Variants in EML1 observed in about 807,000 individuals in gnomAD.
EML1 encodes EMAP like 1, also known as echinoderm microtubule-associated protein-like 1.
A neutral mutation model predicts 110.4 loss-of-function variants in EML1; 27 were observed. That is an observed-to-expected ratio of 0.24 (90% confidence interval 0.18 to 0.34). The LOEUF (loss-of-function observed/expected upper bound fraction) is 0.34, where lower values mean the gene tolerates loss of function less well. EML1 is among the 10% of genes least tolerant of loss of function. The pLI is 1.00. For synonymous variants in EML1, 344 were observed against 385.8 expected, an observed-to-expected ratio of 0.89 and a Z score of 1.27; for missense variants, 741 against 1,030.9, an observed-to-expected ratio of 0.72 and a Z score of 3.85.
At chr14:99,828,167 A>G (rs182729259) in intron 1 of EML1, among the ~76,000 whole-genome samples, 92 of 152,360 alleles carry the variant, frequency 6.0e-4, no homozygotes, top group African/African-American at 2.1e-3. Flanking sequence ...CGCTATTCTT[A>G]TACAGCAGTC....
At chr14:99,815,358 G>C (rs963862446) in intron 1 of EML1, among the ~76,000 whole-genome samples, 1 of 152,064 alleles carries the variant, frequency 6.6e-6, no homozygotes, top group Non-Finnish European at 1.5e-5. Context: ...AGCCAGGATG[G>C]TCTCGATCTC....
chr14:99,834,841 A>G (rs922492837), intron 1 of EML1, among the ~76,000 whole-genome samples: 1 of 152,130 alleles, frequency 6.6e-6, no homozygotes, highest in Admixed American at 6.5e-5. Context: ...TTGTTTTGAG[A>G]AAGGGTGTGA....
intron 1 of EML1, among the ~76,000 whole-genome samples, chr14:99,758,808 G>A (rs950877273): frequency 6.6e-6 from 1 of 152,148 alleles, no homozygotes; most frequent in Non-Finnish European, 1.5e-5. Context: ...TCTGTAAAGT[G>A]CATATTCCTG....
intron 1 of EML1, among the ~76,000 whole-genome samples, chr14:99,846,352 G>A (rs1028897217): frequency 5.6e-5 from 8 of 142,240 alleles, no homozygotes; most frequent in Middle Eastern, 3.6e-3. Context: ...GCGCAATCTC[G>A]GCTTACTGCA....
intron 1 of EML1, among the ~76,000 whole-genome samples, chr14:99,745,372 CT>C (rs2057096365): frequency 6.6e-6 from 1 of 152,170 alleles, no homozygotes; most frequent in African/African-American, 2.4e-5. Flanking sequence ...CCCCAAATGA[CT>C]TTTAATGGTG....
At chr14:99,894,510 A>G in intron 5 of EML1, 119 bp from the exon 6 acceptor site, 3 of 1,204,180 alleles carry the variant, frequency 2.5e-6, no homozygotes, top group African/African-American at 1.6e-5. Flanking sequence ...GATATCAATT[A>G]GAATGACAGA....
chr14:99,867,525 G>A (rs1957509), intron 3 of EML1, among the ~76,000 whole-genome samples: 54,733 of 151,872 alleles, frequency 0.36, 10,795 homozygotes, highest in African/African-American at 0.52. Context: ...CTCAGTGTAT[G>A]AGTCTTCTAA....
intron 1 of EML1, chr14:99,838,930 T>TGTGCGC (rs35886892): frequency 2.7e-4 from 40 of 148,572 alleles, no homozygotes; most frequent in African/African-American, 9.2e-4. Flanking sequence ...TGTGTGTGTG[T>TGTGCGC]GCGCGCGCGC....
chr14:99,937,367 G>GA (rs1196623450), intron 19 of EML1, among the ~76,000 whole-genome samples: 1 of 152,150 alleles, frequency 6.6e-6, no homozygotes, highest in African/African-American at 2.4e-5. Context: ...CTCATTTGGG[G>GA]AACACACAAG....
At chr14:99,815,317 A>G (rs1161658997) in intron 1 of EML1, among the ~76,000 whole-genome samples, 2 of 151,612 alleles carry the variant, frequency 1.3e-5, no homozygotes, top group Non-Finnish European at 2.9e-5. Flanking sequence ...AATTTTTTGT[A>G]TTTTTAATAG....
chr14:99,777,712 G>A (rs750919399), intron 1 of EML1, among the ~76,000 whole-genome samples: 4 of 152,248 alleles, frequency 2.6e-5, no homozygotes, highest in South Asian at 2.1e-4. Context: ...GAGCCACCAC[G>A]CCCGCTGCCT....
chr14:99,871,382 T>C (rs758163360), intron 3 of EML1, among the ~76,000 whole-genome samples: 1 of 152,006 alleles, frequency 6.6e-6, no homozygotes, highest in Non-Finnish European at 1.5e-5. Context: ...GCACAGTGGC[T>C]CACACCTGTA....
chr14:99,775,845 T>C (rs1305403518), intron 1 of EML1, among the ~76,000 whole-genome samples: 1 of 152,212 alleles, frequency 6.6e-6, no homozygotes, highest in Non-Finnish European at 1.5e-5. Flanking sequence ...CAATTCAAGG[T>C]CATTTCAAGG....
chr14:99,905,370 C>G lies in EML1; in HGVS notation c.1009-2268C>G, dbSNP rs2059827855. Among the ~76,000 whole-genome samples, 1 of 152,158 alleles carries G rather than the reference C, an allele frequency of 6.6e-6. No homozygotes were observed. The highest frequency in any genetic ancestry group is 1.5e-5 in the Non-Finnish European group (1 of 68,032). On this transcript the variant is annotated intron_variant, in intron 9 of 21. Transcript: ENST00000262233. The surrounding 1 kb of genome is among the most constrained non-coding windows in gnomAD (Gnocchi z 4.1). ...AACCAGGAGCTTCAACTTACGGTCT[C>G]TGGGCAAGATGGTGGCCCTGAGTAA...
intron 1 of EML1, among the ~76,000 whole-genome samples, chr14:99,760,877 T>C (rs1330661273): frequency 6.6e-6 from 1 of 152,000 alleles, no homozygotes; most frequent in Non-Finnish European, 1.5e-5. Context: ...CTCTGTCTCA[T>C]TCAAGGGACT....
chr14:99,742,961 C>T (rs1223880933), intron 1 of EML1, among the ~76,000 whole-genome samples: 1 of 152,164 alleles, frequency 6.6e-6, no homozygotes, highest in African/African-American at 2.4e-5. Flanking sequence ...ATATTGACAC[C>T]AAGAAGGACT....
At chr14:99,742,585 A>T (rs919201553) in intron 1 of EML1, among the ~76,000 whole-genome samples, 5 of 152,096 alleles carry the variant, frequency 3.3e-5, no homozygotes, top group African/African-American at 1.2e-4. Flanking sequence ...GGTGCAGTGG[A>T]GGCTGAGCCT....
intron 1 of EML1, among the ~76,000 whole-genome samples, chr14:99,806,316 C>CTTTTT (rs1198890041): frequency 4.6e-5 from 4 of 87,746 alleles, no homozygotes; most frequent in African/African-American, 4.9e-5. Flanking sequence ...TCTCCAGAAT[C>CTTTTT]TTTTTTTTTT....
intron 7 of EML1, among the ~76,000 whole-genome samples, chr14:99,897,616 A>G (rs999874457): frequency 3.3e-5 from 5 of 152,172 alleles, no homozygotes; most frequent in Non-Finnish European, 5.9e-5. Flanking sequence ...TCACCAACGC[A>G]TGAGCTTCAC....
Sources: allele counts gnomAD v4.1 joint callset (sites outside exome capture counted in the v4.1 genomes callset), GRCh38; gene constraint gnomAD v4.1.1; non-coding constraint Gnocchi (gnomAD v3.1); transcripts MANE v1.5; gene names NCBI Gene and HGNC (gene_info 2026-07-23, HGNC 2026-07-21).